The following CCDC85A variants were observed in gnomAD, a reference collection of about 807,000 sequenced individuals.
CCDC85A encodes the protein coiled-coil domain-containing protein 85A.
In CCDC85A, 38 loss-of-function variants were observed where a neutral mutation model predicts 50.2. The ratio of observed to expected loss-of-function variants is 0.76; its 90% CI spans 0.58 to 0.99. The LOEUF is 0.99. Ranked by LOEUF, CCDC85A falls within the 50% of genes least tolerant of loss-of-function variation. The pLI is 0.00. For synonymous variants in CCDC85A, 366 were observed against 301.4 expected (o/e 1.21, Z -2.22); for missense variants, 820 against 742.0 (o/e 1.11, Z -1.22).
intron 2 of CCDC85A, among the ~76,000 whole-genome samples, chr2:56,206,475 A>G (rs1026155986): frequency 6.6e-6 from 1 of 152,122 alleles, no homozygotes; most frequent in Non-Finnish European, 1.5e-5. Flanking sequence ...CATGACATCT[A>G]TCCAGGGCCT....
At chr2:56,189,775 A>G (rs1164793529) in intron 1 of CCDC85A, among the ~76,000 whole-genome samples, 1 of 152,048 alleles carries the variant, frequency 6.6e-6, no homozygotes, top group Non-Finnish European at 1.5e-5. Context: ...TGTTGTTGCC[A>G]TCTTTATGTC....
chr2:56,195,755 T>G (rs1676496853), intron 2 of CCDC85A, among the ~76,000 whole-genome samples: 1 of 152,206 alleles, frequency 6.6e-6, no homozygotes, highest in South Asian at 2.1e-4. Flanking sequence ...ATTTGCTGAC[T>G]CATTTCCAGA....
chr2:56,350,086 TAA>T (rs1279389586), intron 3 of CCDC85A, among the ~76,000 whole-genome samples: 2 of 141,250 alleles, frequency 1.4e-5, no homozygotes. Context: ...TTCTTTTGCT[TAA>T]AAAAAAAAAA....
intron 3 of CCDC85A, among the ~76,000 whole-genome samples, chr2:56,362,238 G>A (rs757842049): frequency 2.6e-5 from 4 of 152,056 alleles, no homozygotes; most frequent in Non-Finnish European, 4.4e-5. Context: ...TGGTGGTGCT[G>A]TTTACTGAGA....
At chr2:56,242,656 A>G (rs974410195) in intron 2 of CCDC85A, among the ~76,000 whole-genome samples, 2 of 152,200 alleles carry the variant, frequency 1.3e-5, no homozygotes, top group Non-Finnish European at 2.9e-5. Context: ...GAGTGGGGAC[A>G]AATATCCAAA....
At chr2:56,320,278 TAACTA>T (rs1370800259) in intron 2 of CCDC85A, among the ~76,000 whole-genome samples, 33 of 151,880 alleles carry the variant, frequency 2.2e-4, no homozygotes, top group African/African-American at 8.0e-4. Flanking sequence ...AGGCAAGACA[TAACTA>T]AGATCAGAGC....
chr2:56,319,477 AACTC>A (rs1343145463), intron 2 of CCDC85A, among the ~76,000 whole-genome samples: 1 of 152,106 alleles, frequency 6.6e-6, no homozygotes, highest in Admixed American at 6.6e-5. Flanking sequence ...TTTCAAAAAG[AACTC>A]ACTAACTCCT....
chr2:56,300,776 A>G (rs190211368), intron 2 of CCDC85A, among the ~76,000 whole-genome samples: 18 of 152,318 alleles, frequency 1.2e-4, no homozygotes, highest in African/African-American at 4.1e-4. Flanking sequence ...GACAGCCAGT[A>G]TGAAAGACTG....
intron 2 of CCDC85A, among the ~76,000 whole-genome samples, chr2:56,218,601 A>G (rs1668190072): frequency 6.6e-6 from 1 of 151,940 alleles, no homozygotes; most frequent in Non-Finnish European, 1.5e-5. Context: ...ATAAATTTAC[A>G]TCTTACTTAT....
At chr2:56,190,714 C>T (rs1046298230) in intron 1 of CCDC85A, among the ~76,000 whole-genome samples, 1 of 152,038 alleles carries the variant, frequency 6.6e-6, no homozygotes, top group South Asian at 2.1e-4. Context: ...GAGGGGTGTT[C>T]CCACCTTCTC....
Position 56,342,924 on chromosome 2 carries a change from A to T in CCDC85A, c.1286A>T (p.Gln429Leu). Reference sequence around the variant, plus strand: ...AGGCAGCTGGAGGCAAGAGTAAGACAGCTGGAGGAAGAAAATCGCATGCTG... The same window carrying T: ...AGGCAGCTGGAGGCAAGAGTAAGACTGCTGGAGGAAGAAAATCGCATGCTG... ...YVRQLEARVR[Q>L]LEEENRMLPQ... Residue 429 changes from glutamine to leucine, a missense_variant, in exon 3 of 6, where the codon CAG (glutamine) becomes CTG (leucine). Transcript: ENST00000407595. 1 of 1,598,198 alleles carries T rather than the reference A, an allele frequency of 6.3e-7. No individual in the cohort carries two copies. The highest frequency in any genetic ancestry group is 8.5e-7 in the Non-Finnish European group (1 of 1,171,508).
chr2:56,351,203 T>C (rs1469762294), intron 3 of CCDC85A, among the ~76,000 whole-genome samples: 3 of 151,878 alleles, frequency 2.0e-5, no homozygotes, highest in Non-Finnish European at 4.4e-5. Context: ...TATGGCTGCA[T>C]AGTATTCCAC....
intron 2 of CCDC85A, among the ~76,000 whole-genome samples, chr2:56,201,113 C>T (rs1676725941): frequency 6.7e-6 from 1 of 150,024 alleles, no homozygotes; most frequent in African/African-American, 2.5e-5. Context: ...CACACACACA[C>T]ACACACACAC....
At chr2:56,373,117 T>C (rs1361537644) in intron 4 of CCDC85A, among the ~76,000 whole-genome samples, 1 of 152,206 alleles carries the variant, frequency 6.6e-6, no homozygotes, top group Non-Finnish European at 1.5e-5. Flanking sequence ...AATGAGGTGC[T>C]TCATTCTGTT....
chr2:56,273,708 A>ATC (rs1042366156), intron 2 of CCDC85A, among the ~76,000 whole-genome samples: 1 of 143,040 alleles, frequency 7.0e-6, no homozygotes, highest in African/African-American at 2.6e-5. Flanking sequence ...ATATATATAT[A>ATC]TCACACTAGA....
At chr2:56,329,828 A>G (rs1213603069) in intron 2 of CCDC85A, among the ~76,000 whole-genome samples, 3 of 152,108 alleles carry the variant, frequency 2.0e-5, no homozygotes, top group African/African-American at 7.2e-5. Context: ...AAAGCCAACC[A>G]TACATGGGCT....
rs1374885062 is a variant in CCDC85A, at chr2:56,184,645, C to CGCG, written c.30_32dup (p.Ala15dup). ...ATACCATGTCGAAGGCGGCCGGAGG[C>CGCG]GCGGCGGCGGCTGCGGCGGCGGCGG... On this transcript the variant is annotated inframe_insertion, in exon 1 of 6. Coordinates refer to ENST00000407595, the MANE Select transcript of CCDC85A (RefSeq NM_001080433.2). The CGCG allele has an allele frequency of 2.8e-6, 4 of 1,438,100 alleles. No homozygotes were observed. The highest frequency in any genetic ancestry group is 3.0e-5 in the Admixed American group (1 of 33,090). 89.1% of individuals were successfully genotyped at this position (1,438,100 alleles called of 1,614,324 possible).
chr2:56,317,729 A>G (rs1213690260), intron 2 of CCDC85A, among the ~76,000 whole-genome samples: 1 of 152,080 alleles, frequency 6.6e-6, no homozygotes, highest in Non-Finnish European at 1.5e-5. Context: ...TTTGGTTTGG[A>G]AAAAGGAATG....
At chr2:56,218,928 C>T (rs1040498307) in intron 2 of CCDC85A, among the ~76,000 whole-genome samples, 3 of 151,646 alleles carry the variant, frequency 2.0e-5, no homozygotes, top group African/African-American at 7.2e-5. Flanking sequence ...ATGAGAAAAT[C>T]ATTTTATTCA....
Sources: gnomAD v4.1 joint callset for allele counts (sites outside exome capture counted in the v4.1 genomes callset) on GRCh38, gnomAD v4.1.1 for gene constraint, MANE v1.5 for transcripts, NCBI Gene and HGNC (gene_info 2026-07-23, HGNC 2026-07-21) for gene names.